The following NR6A1 variants were observed in gnomAD, a reference collection of about 807,000 sequenced individuals.
NR6A1 encodes the protein nuclear receptor subfamily 6 group A member 1.
Under a neutral mutation model 59.1 loss-of-function variants are expected in NR6A1, and 7 were observed. The ratio of observed to expected loss-of-function variants is 0.12; its 90% confidence interval spans 0.07 to 0.22. The LOEUF is 0.22. Ranked by LOEUF, NR6A1 falls within the 10% of genes least tolerant of loss-of-function variation. The probability of loss-of-function intolerance (pLI) is 1.00; values close to 1 mark genes in which losing one functional copy is unlikely to be tolerated. For synonymous variants in NR6A1, 243 were observed against 236.1 expected, an observed-to-expected ratio of 1.03 and a Z score of -0.27; for missense variants, 468 against 611.6, an observed-to-expected ratio of 0.77 and a Z score of 2.48.
intron 2 of NR6A1, among the ~76,000 whole-genome samples, chr9:124,668,822 G>A (rs1235283236): frequency 6.6e-6 from 1 of 151,998 alleles, no homozygotes; most frequent in Non-Finnish European, 1.5e-5. Flanking sequence ...CTGCCAGCAG[G>A]GACTGACAGT....
chr9:124,632,114 C>T (rs1293075454), intron 2 of NR6A1, among the ~76,000 whole-genome samples: 3 of 152,054 alleles, frequency 2.0e-5, no homozygotes, highest in Non-Finnish European at 2.9e-5. Context: ...TTGTGAATAG[C>T]GCTGTAATGA....
intron 2 of NR6A1, among the ~76,000 whole-genome samples, chr9:124,602,349 G>GT: frequency 6.6e-6 from 1 of 152,274 alleles, no homozygotes; most frequent in Middle Eastern, 3.4e-3. Context: ...TTTGGCACCC[G>GT]TGACTGTTTA....
chr9:124,661,651 A>G (rs1837439043), intron 2 of NR6A1, among the ~76,000 whole-genome samples: 2 of 152,238 alleles, frequency 1.3e-5, no homozygotes, highest in African/African-American at 4.8e-5. Context: ...TAAACATAAT[A>G]GCAACCTTTA....
chr9:124,526,455 G>A (rs1181725206), intron 8 of NR6A1, among the ~76,000 whole-genome samples: 1 of 152,046 alleles, frequency 6.6e-6, no homozygotes, highest in African/African-American at 2.4e-5. Context: ...TTAAAATGAC[G>A]CATGTACTGT....
chr9:124,522,443 CTG>C lies in NR6A1; in HGVS notation c.*260_*261del. The stretch of plus-strand genomic sequence containing the variant: ...ATTAAACATCTTCACATTCTGTAAA[CTG>C]TAAGAAAATGCATTGGCTGCATTCA... On this transcript the variant is annotated 3_prime_UTR_variant, in exon 10 of 10. Transcript: ENST00000487099. 2 of 294,250 alleles carry C rather than the reference CTG, an allele frequency of 6.8e-6. No individual in the cohort carries two copies. The highest frequency in any genetic ancestry group is 1.3e-5 in the Non-Finnish European group (2 of 150,176). The allele number at this position is 294,250 out of a possible 1,614,324, so 18.2% of individuals were successfully genotyped here. A position where few individuals can be genotyped will look rare whatever the true frequency, so the allele number is the denominator to read the frequency against.
chr9:124,594,099 C>G (rs752601159), intron 2 of NR6A1, among the ~76,000 whole-genome samples: 7 of 152,156 alleles, frequency 4.6e-5, no homozygotes, highest in Non-Finnish European at 7.3e-5. Context: ...TTTACAGTAG[C>G]ATTTTCACTG....
At position 124,537,380 on chromosome 9, in the gene NR6A1, C is replaced by A. The variant is rs949658360; in HGVS notation, c.824+712G>T. On this transcript the variant is annotated intron_variant, in intron 6 of 9. Transcript: ENST00000487099. Reference sequence around the variant, plus strand: ...GGGATTACAGGCATGAGCCACCACGCCCGGCTTCCTACATCTAGATTTACA... The same window carrying A: ...GGGATTACAGGCATGAGCCACCACGACCGGCTTCCTACATCTAGATTTACA... 2.6e-5 allele frequency among the ~76,000 whole-genome samples: 4 copies of A among 152,192 alleles called. No individual in the cohort carries two copies. The South Asian group carries it at 6.2e-4, about 24-fold the overall frequency.
intron 1 of NR6A1, among the ~76,000 whole-genome samples, chr9:124,746,981 TTTC>T (rs757777762): frequency 2.4e-4 from 36 of 152,308 alleles, no homozygotes; most frequent in Admixed American, 5.2e-4. Context: ...ACACTATTTA[TTTC>T]TTCTTAGGGA....
Position 124,523,082 on chromosome 9 carries a change from C to T in NR6A1, c.1355-289G>A, listed in dbSNP as rs1022801763. Among the ~76,000 whole-genome samples the T allele has an allele frequency of 2.0e-5, 3 of 152,272 alleles. No individual in the cohort carries two copies. In the Middle Eastern group the frequency reaches 0.01, roughly 518 times the overall value. The stretch of plus-strand genomic sequence containing the variant: ...AATGCATTACCTCGTTGAATTCTCA[C>T]ACTATTTCTGTGTACTACTTTTTAC... On this transcript the variant is annotated intron_variant, in intron 9 of 9. Coordinates refer to ENST00000487099, the MANE Select transcript of NR6A1 (RefSeq NM_033334.4).
At chr9:124,738,584 G>A (rs764757841) in intron 1 of NR6A1, among the ~76,000 whole-genome samples, 5 of 152,034 alleles carry the variant, frequency 3.3e-5, no homozygotes, top group Admixed American at 1.3e-4. Flanking sequence ...AAAAGGACAC[G>A]GGGGCCGGGC....
At position 124,554,506 on chromosome 9, in the gene NR6A1, G is replaced by A; in HGVS notation, c.207C>T (p.Gly69=). The part of the protein sequence containing the change: ...TCLICGDRAT[G]LHYGIISCEG... ...CACAGGAGATGATCCCATAGTGCAA[G>A]CCTGTAGCGCGGTCCCCACAAATGA... The change falls in exon 3 of 10, where the codon GGC becomes GGT. Residue 69 remains glycine (G), a synonymous_variant. Transcript: ENST00000487099. 2.5e-6 allele frequency: 4 copies of A among 1,614,220 alleles called. No homozygotes were observed. Among genetic ancestry groups the A allele is most frequent in the Non-Finnish European group, 3.4e-6 (4 of 1,180,038 alleles).
rs1279498397 is a variant in NR6A1 at position 124,733,683 on chromosome 9, T to A, written c.101-334A>T. ...GTTATCATGGCAATGTCCGTTGGAA[T>A]AAAAATTCACAGGAAAATTACAATT... On this transcript the variant is annotated intron_variant, in intron 1 of 9. Coordinates refer to ENST00000487099, the MANE Select transcript of NR6A1 (RefSeq NM_033334.4). 3.9e-5 allele frequency among the ~76,000 whole-genome samples: 6 copies of A among 152,228 alleles called. No individual in the cohort carries two copies. The South Asian group carries it at 1.2e-3, about 32-fold the overall frequency.
At chr9:124,600,443 T>C (rs184922163) in intron 2 of NR6A1, among the ~76,000 whole-genome samples, 1 of 152,314 alleles carries the variant, frequency 6.6e-6, no homozygotes, top group East Asian at 1.9e-4. Context: ...AAAGAATTCA[T>C]AGTTCAGGAA....
At chr9:124,723,551 A>G (rs971589367) in intron 2 of NR6A1, among the ~76,000 whole-genome samples, 5 of 152,196 alleles carry the variant, frequency 3.3e-5, no homozygotes, top group African/African-American at 1.2e-4. Flanking sequence ...TGAAGCAGTA[A>G]CTTACACCTG....
chr9:124,576,211 A>G (rs958982975), intron 2 of NR6A1, among the ~76,000 whole-genome samples: 2 of 152,186 alleles, frequency 1.3e-5, no homozygotes, highest in African/African-American at 2.4e-5. Context: ...AGTTGTCCTT[A>G]AAGTTTTCTT....
At chr9:124,659,343 G>C (rs1314984094) in intron 2 of NR6A1, among the ~76,000 whole-genome samples, 1 of 152,224 alleles carries the variant, frequency 6.6e-6, no homozygotes, top group African/African-American at 2.4e-5. Context: ...ATCGTGACTA[G>C]ATTCTGAAAC....
chr9:124,701,578 T>C (rs1252248043), intron 2 of NR6A1, among the ~76,000 whole-genome samples: 1 of 152,232 alleles, frequency 6.6e-6, no homozygotes, highest in African/African-American at 2.4e-5. Context: ...AGCAACTTGT[T>C]TACTTTTTGC....
intron 3 of NR6A1, among the ~76,000 whole-genome samples, chr9:124,550,929 T>C (rs1481710844): frequency 6.6e-6 from 1 of 152,244 alleles, no homozygotes; most frequent in Non-Finnish European, 1.5e-5. Context: ...AACTCATGGA[T>C]ATTTTTATCC....
In NR6A1 at chr9:124,740,239, A is replaced by G. The variant is rs147685462; in HGVS notation, c.101-6890T>C. Among the ~76,000 whole-genome samples, 800 of 152,202 alleles carry G rather than the reference A, an allele frequency of 5.3e-3. 7 individuals carry two copies. Among genetic ancestry groups the G allele is most frequent in the African/African-American group, 0.018 (750 of 41,526 alleles). ...TAAGGACTCAAGTCAGGTCTCCTCTAATTTCCCCCTCCCTTTCCTGCAAAC... is the reference window on the plus strand; with the variant it reads ...TAAGGACTCAAGTCAGGTCTCCTCTGATTTCCCCCTCCCTTTCCTGCAAAC... On this transcript the variant is annotated intron_variant, in intron 1 of 9. Coordinates refer to ENST00000487099, the MANE Select transcript of NR6A1 (RefSeq NM_033334.4).
Sources: gnomAD v4.1 joint callset for allele counts (sites outside exome capture counted in the v4.1 genomes callset) on GRCh38, gnomAD v4.1.1 for gene constraint, MANE v1.5 for transcripts, NCBI Gene and HGNC (gene_info 2026-07-23, HGNC 2026-07-21) for gene names.